The following PITPNM3 variants were observed in gnomAD, a reference collection of about 807,000 sequenced individuals.
The protein encoded by PITPNM3 is membrane-associated phosphatidylinositol transfer protein 3.
A neutral mutation model predicts 102.0 loss-of-function variants in PITPNM3; 26 were observed. The ratio of observed to expected loss-of-function variants is 0.25; its 90% CI spans 0.19 to 0.35. PITPNM3 has a LOEUF of 0.35. PITPNM3 is among the 10% of genes least tolerant of loss of function. The pLI is 1.00. For missense variants in PITPNM3, 1,083 were observed against 1,346.1 expected (o/e 0.80, Z 3.06); for synonymous variants, 578 against 558.6 (o/e 1.03, Z -0.49).
rs759111080 is a variant in PITPNM3 at position 6,537,972 on chromosome 17, C to A, written c.118+15G>T. On this transcript the variant is annotated intron_variant, in intron 2 of 19. Coordinates refer to ENST00000262483, the MANE Select transcript of PITPNM3 (RefSeq NM_031220.4). The surrounding 1 kb of genome is among the most constrained non-coding windows in gnomAD (Gnocchi z 4.4). ...AGGTCACCCAGCCAGTGATATGAGACTGGGGTTCACTCACCTCTGGCATCA... is the reference window on the plus strand; with the variant it reads ...AGGTCACCCAGCCAGTGATATGAGAATGGGGTTCACTCACCTCTGGCATCA... 1.9e-6 allele frequency: 3 copies of A among 1,601,646 alleles called. No individual in the cohort carries two copies. The South Asian group carries it at 3.3e-5, about 18-fold the overall frequency.
intron 1 of PITPNM3, among the ~76,000 whole-genome samples, chr17:6,547,108 G>C (rs1910063784): frequency 6.6e-6 from 1 of 152,198 alleles, no homozygotes; most frequent in Non-Finnish European, 1.5e-5. Flanking sequence ...AGGGAGGTCA[G>C]TAAGAAAGGA....
intron 4 of PITPNM3, among the ~76,000 whole-genome samples, chr17:6,487,378 C>T (rs1208553992): frequency 6.6e-6 from 1 of 152,080 alleles, no homozygotes; most frequent in Non-Finnish European, 1.5e-5. Flanking sequence ...CATGGGTTAG[C>T]GGCTATTGTT....
At chr17:6,521,747 T>G (rs1597400060) in intron 3 of PITPNM3, among the ~76,000 whole-genome samples, 1 of 151,980 alleles carries the variant, frequency 6.6e-6, no homozygotes. Context: ...AAGCAGAAGC[T>G]GAGATAGAGG....
chr17:6,493,518 C>T (rs974720378), intron 4 of PITPNM3, among the ~76,000 whole-genome samples: 4 of 152,240 alleles, frequency 2.6e-5, no homozygotes, highest in African/African-American at 9.6e-5. Flanking sequence ...CTGTGCTGAC[C>T]TGCAAGCAGG....
At chr17:6,474,080 C>T (rs1387269130) in intron 10 of PITPNM3, among the ~76,000 whole-genome samples, 1 of 151,666 alleles carries the variant, frequency 6.6e-6, no homozygotes, top group Non-Finnish European at 1.5e-5. Flanking sequence ...ACCTGGCAGT[C>T]GTATCTGCCT....
intron 3 of PITPNM3, among the ~76,000 whole-genome samples, chr17:6,504,176 G>T (rs1207014355): frequency 1.3e-5 from 2 of 152,036 alleles, no homozygotes; most frequent in Non-Finnish European, 2.9e-5. Flanking sequence ...TCACCTCCTG[G>T]TCTCCCCAAG....
intron 4 of PITPNM3, among the ~76,000 whole-genome samples, chr17:6,499,954 C>A (rs1337678667): frequency 6.6e-6 from 1 of 152,174 alleles, no homozygotes; most frequent in African/African-American, 2.4e-5. Flanking sequence ...TGGTCTCGAA[C>A]TCCTGAGCTC....
At chr17:6,461,250 C>T (rs905872300) in intron 18 of PITPNM3, 123 bp downstream of exon 18, 33 of 1,218,972 alleles carry the variant, frequency 2.7e-5, no homozygotes, top group East Asian at 1.2e-4. Context: ...TCCAGATCCA[C>T]GGGAATGGGA....
chr17:6,528,592 T>A (rs944890513), intron 2 of PITPNM3, among the ~76,000 whole-genome samples: 1 of 152,124 alleles, frequency 6.6e-6, no homozygotes. Context: ...TGTGTGCATA[T>A]GTGTGTGGCC....
rs566654810 is a variant in PITPNM3 at position 6,458,196 on chromosome 17, A to G, written c.2491-474T>C. Among the ~76,000 whole-genome samples the G allele has an allele frequency of 6.6e-5, 10 of 151,730 alleles. No individual in the cohort carries two copies. In the East Asian group the frequency reaches 9.7e-4, roughly 15 times the overall value. ...CCCCTCCCCAACCCCAGAATCCCCA[A>G]TTCAATTCAGAGAACTGCACAAGGT... On this transcript the variant is annotated intron_variant, in intron 18 of 19. Coordinates refer to ENST00000262483, the MANE Select transcript of PITPNM3 (RefSeq NM_031220.4). The surrounding 1 kb of genome is among the most constrained non-coding windows in gnomAD (Gnocchi z 5.1).
intron 4 of PITPNM3, among the ~76,000 whole-genome samples, chr17:6,486,064 G>T (rs545184800): frequency 1.3e-5 from 2 of 152,196 alleles, no homozygotes; most frequent in African/African-American, 4.8e-5. Context: ...TGGACTCCTG[G>T]GTGGAGAGAC....
intron 3 of PITPNM3, among the ~76,000 whole-genome samples, chr17:6,514,658 A>G (rs1329772164): frequency 1.3e-5 from 2 of 152,246 alleles, no homozygotes; most frequent in East Asian, 1.9e-4. Context: ...ACTGGTGGAA[A>G]TGTAAAGTGG....
At chr17:6,477,321 T>C in intron 8 of PITPNM3, 108 bp from the exon 9 acceptor site, 1 of 1,159,624 alleles carries the variant, frequency 8.6e-7, no homozygotes, top group Admixed American at 1.9e-5. Flanking sequence ...TCCTAAGATG[T>C]GAGGGGCTAC....
Position 6,556,187 on chromosome 17 carries a change from C to G in PITPNM3, c.22+198G>C, listed in dbSNP as rs1221431815. On this transcript the variant is annotated intron_variant, in intron 1 of 19. Transcript: ENST00000262483. This position sits in a 1 kb window ranked among gnomAD's most constrained non-coding sequence, Gnocchi z 5.2. ...GGGACGCGGTGTCCCCCGAGGTGAC[C>G]GGGGGCGCAGGAAGGACGGGGGGCG... 6.6e-6 allele frequency among the ~76,000 whole-genome samples: 1 copy of G among 151,694 alleles called. No homozygotes were observed. The highest frequency in any genetic ancestry group is 1.5e-5 in the Non-Finnish European group (1 of 67,850).
In PITPNM3 at chr17:6,463,756, C is replaced by G; in HGVS notation, c.2282G>C (p.Arg761Pro). ...CCGGACAACATCCACTGCACCCGGCCGGACCTTGGGGTCGCTTCCCATGAT... is the reference window on the plus strand; with the variant it reads ...CCGGACAACATCCACTGCACCCGGCGGGACCTTGGGGTCGCTTCCCATGAT... ...VSIMGSDPKV[R>P]PGAVDVVRHW... Residue 761 changes from arginine (R) to proline (P), a missense_variant, in exon 17 of 20, where the codon CGG becomes CCG. Coordinates refer to ENST00000262483, the MANE Select transcript of PITPNM3 (RefSeq NM_031220.4). The G allele has an allele frequency of 6.2e-7, 1 of 1,611,854 alleles. No homozygotes were observed.
intron 4 of PITPNM3, among the ~76,000 whole-genome samples, chr17:6,485,157 TTTTC>T (rs1906003332): frequency 1.3e-5 from 2 of 151,058 alleles, no homozygotes; most frequent in Admixed American, 1.3e-4. Flanking sequence ...TTTAATTTTC[TTTTC>T]TTTTTTTTTT....
Position 6,454,996 on chromosome 17 carries a change from C to A in PITPNM3, c.*342G>T. 3.0e-6 allele frequency: 1 copy of A among 333,492 alleles called. No individual in the cohort carries two copies. Among genetic ancestry groups the A allele is most frequent in the Non-Finnish European group, 5.5e-6 (1 of 181,916 alleles). The allele number at this position is 333,492 out of a possible 1,614,324, so 20.7% of individuals were successfully genotyped here. ...AGGGCCTGCCTAGCTCGCTGTGAAGCCTGGGGACGCAGGAGGGTGGTCGAC... is the reference window on the plus strand; with the variant it reads ...AGGGCCTGCCTAGCTCGCTGTGAAGACTGGGGACGCAGGAGGGTGGTCGAC... On this transcript the variant is annotated 3_prime_UTR_variant, in exon 20 of 20. Transcript: ENST00000262483.
intron 3 of PITPNM3, among the ~76,000 whole-genome samples, chr17:6,506,986 A>T (rs1436024530): frequency 6.6e-6 from 1 of 152,206 alleles, no homozygotes; most frequent in African/African-American, 2.4e-5. Flanking sequence ...CACCCTTGGA[A>T]TGCTCTATGG....
At chr17:6,541,351 T>C (rs1909722553) in intron 1 of PITPNM3, among the ~76,000 whole-genome samples, 1 of 147,998 alleles carries the variant, frequency 6.8e-6, no homozygotes, top group African/African-American at 2.5e-5. Context: ...ATGTGTGGGA[T>C]GGACCGGGCA....
Sources: allele counts gnomAD v4.1 joint callset (sites outside exome capture counted in the v4.1 genomes callset), GRCh38; gene constraint gnomAD v4.1.1; non-coding constraint Gnocchi (gnomAD v3.1); transcripts MANE v1.5; gene names NCBI Gene and HGNC (gene_info 2026-07-23, HGNC 2026-07-21).